PAPSS2: variants seen among roughly 807,000 people sequenced by gnomAD.
PAPSS2 encodes the protein 3'-phosphoadenosine 5'-phosphosulfate synthase 2.
Under a neutral mutation model 66.5 loss-of-function variants are expected in PAPSS2, and 61 were observed. That is an observed-to-expected ratio of 0.92 (90% CI 0.75 to 1.14). The LOEUF (loss-of-function observed/expected upper bound fraction) is 1.14. Ranked by LOEUF, PAPSS2 falls within the 50% of genes most tolerant of loss-of-function variation. The pLI is 0.00. For synonymous variants in PAPSS2, 289 were observed against 287.5 expected (o/e 1.01, Z -0.05); for missense variants, 708 against 789.6 (o/e 0.90, Z 1.24).
chr10:87,660,106 G>C, intron 1 of PAPSS2, 98 bp downstream of exon 1: 2 of 1,271,548 alleles, frequency 1.6e-6, no homozygotes, highest in Non-Finnish European at 1.1e-6. Flanking sequence ...CCCTCCCCGG[G>C]AGGGGGCGTC....
chr10:87,718,882 G>T (rs1853563918), intron 7 of PAPSS2, among the ~76,000 whole-genome samples: 1 of 152,182 alleles, frequency 6.6e-6, no homozygotes, highest in Admixed American at 6.5e-5. Flanking sequence ...GCTCCAGTGT[G>T]GCTCTGTCAG....
rs1853489011 is a variant in PAPSS2, at chr10:87,713,322, A to AAAAAAAAAAG, written c.381+21_381+22insGAAAAAAAAA. On this transcript the variant is annotated intron_variant, in intron 3 of 12. Transcript: ENST00000456849. ...CTCCATTCGCAAAGGTAAAAAAAAA[A>AAAAAAAAAAG]AAAAAAAAAAAAGGCACTACACACG... is the stretch of plus-strand genomic sequence containing the variant. The AAAAAAAAAAG allele has an allele frequency of 6.9e-7, 1 of 1,454,492 alleles. No individual in the cohort carries two copies. The highest frequency in any genetic ancestry group is 1.4e-5 in the African/African-American group (1 of 69,094). The allele number at this position is 1,454,492 out of a possible 1,614,324, so 90.1% of individuals were successfully genotyped here.
intron 8 of PAPSS2, among the ~76,000 whole-genome samples, chr10:87,725,659 C>G (rs1216714305): frequency 6.6e-6 from 1 of 152,090 alleles, no homozygotes; most frequent in Non-Finnish European, 1.5e-5. Flanking sequence ...TGAATAACAT[C>G]AAGAGGACTG....
chr10:87,712,308 C>T (rs529441704), intron 2 of PAPSS2, among the ~76,000 whole-genome samples: 10 of 152,304 alleles, frequency 6.6e-5, no homozygotes, highest in South Asian at 6.2e-4. Flanking sequence ...GTGGCATCCA[C>T]GAGGGAGGTG....
At chr10:87,661,923 C>T (rs1852757741) in intron 1 of PAPSS2, among the ~76,000 whole-genome samples, 1 of 152,160 alleles carries the variant, frequency 6.6e-6, no homozygotes, top group Non-Finnish European at 1.5e-5. Context: ...TAGATAGGTA[C>T]TATCGGTACT....
intron 8 of PAPSS2, 88 bp from the exon 9 acceptor site, chr10:87,727,196 G>A (rs573411323): frequency 9.0e-7 from 1 of 1,113,342 alleles, no homozygotes; most frequent in South Asian, 1.3e-5. Flanking sequence ...GGAAATGTTT[G>A]GAAGGGGCAT....
rs1441982570 is a variant in PAPSS2, at chr10:87,726,859, T to C, written c.881-425T>C. Reference sequence around the variant, plus strand: ...AATGAAATAAGAGACTTGCTTAACGTTCTTACAAGTTTCATTTCCAAGAAA... The same window carrying C: ...AATGAAATAAGAGACTTGCTTAACGCTCTTACAAGTTTCATTTCCAAGAAA... On this transcript the variant is annotated intron_variant, in intron 8 of 12. Coordinates refer to ENST00000456849, the MANE Select transcript of PAPSS2 (RefSeq NM_001015880.2). Among the ~76,000 whole-genome samples, 11 of 152,352 alleles carry C rather than the reference T, an allele frequency of 7.2e-5. 1 individual carries two copies. Among genetic ancestry groups the C allele is most frequent in the African/African-American group, 2.6e-4 (11 of 41,588 alleles).
At chr10:87,743,118 C>A (rs573653386) in intron 10 of PAPSS2, among the ~76,000 whole-genome samples, 2 of 152,004 alleles carry the variant, frequency 1.3e-5, no homozygotes, top group Non-Finnish European at 2.9e-5. Context: ...TGGTGGCACA[C>A]GCCTGTAATC....
chr10:87,680,514 C>A (rs1413039164), intron 1 of PAPSS2, among the ~76,000 whole-genome samples: 1 of 152,140 alleles, frequency 6.6e-6, no homozygotes, highest in East Asian at 1.9e-4. Context: ...AATTAGCATC[C>A]TGTTAGAAAG....
At chr10:87,662,262 G>A (rs756854717) in intron 1 of PAPSS2, among the ~76,000 whole-genome samples, 11 of 151,998 alleles carry the variant, frequency 7.2e-5, no homozygotes, top group East Asian at 1.9e-4. Context: ...TGGGGGAGGC[G>A]GAAAAGGAGA....
chr10:87,727,841 T>C (rs1007190393), intron 9 of PAPSS2, among the ~76,000 whole-genome samples: 7 of 152,172 alleles, frequency 4.6e-5, no homozygotes, highest in Admixed American at 6.5e-5. Context: ...CTTGCAGCCC[T>C]GCCCATCTTG....
chr10:87,686,690 T>C (rs1853093847), intron 1 of PAPSS2, among the ~76,000 whole-genome samples: 1 of 152,170 alleles, frequency 6.6e-6, no homozygotes, highest in Non-Finnish European at 1.5e-5. Flanking sequence ...CGACACTTAC[T>C]GTTGTCCCAT....
chr10:87,696,272 G>C (rs1853233469), intron 1 of PAPSS2, among the ~76,000 whole-genome samples: 1 of 152,166 alleles, frequency 6.6e-6, no homozygotes. Context: ...TAGCTCTTTT[G>C]AGTATTTGCC....
intron 1 of PAPSS2, chr10:87,703,631 A>G: frequency 2.2e-6 from 1 of 458,968 alleles, no homozygotes; most frequent in South Asian, 1.7e-5. Flanking sequence ...GATGTTAATA[A>G]CTTGCTCCAG....
chr10:87,694,408 T>G lies in PAPSS2; in HGVS notation c.28-14788T>G, dbSNP rs191299647. Among the ~76,000 whole-genome samples, 383 of 152,288 alleles carry G rather than the reference T, an allele frequency of 2.5e-3. 2 individuals carry two copies. Among genetic ancestry groups the G allele is most frequent in the Middle Eastern group, 3.4e-3 (1 of 294 alleles). ...CCAGGCAAAGTGCCACAGGATCTCA[T>G]AGCTACAGGAGTTTAGGAAAGAAGC... On this transcript the variant is annotated intron_variant, in intron 1 of 12. Transcript: ENST00000456849.
At chr10:87,712,604 C>T (rs774942141) in intron 2 of PAPSS2, among the ~76,000 whole-genome samples, 23 of 152,096 alleles carry the variant, frequency 1.5e-4, no homozygotes, top group South Asian at 2.1e-4. Context: ...CACAGGAGTG[C>T]ACCACCACAC....
chr10:87,694,118 A>G (rs939859274), intron 1 of PAPSS2, among the ~76,000 whole-genome samples: 2 of 152,236 alleles, frequency 1.3e-5, no homozygotes, highest in African/African-American at 2.4e-5. Flanking sequence ...ATCCTTGCAA[A>G]CATTAGCAGG....
chr10:87,739,163 C>G (rs1317344961), intron 9 of PAPSS2, among the ~76,000 whole-genome samples: 1 of 152,088 alleles, frequency 6.6e-6, no homozygotes, highest in Non-Finnish European at 1.5e-5. Flanking sequence ...GGTGTTTCAT[C>G]CATTTTGAGT....
chr10:87,726,578 A>C (rs893673940), intron 8 of PAPSS2, among the ~76,000 whole-genome samples: 1 of 152,218 alleles, frequency 6.6e-6, no homozygotes, highest in Non-Finnish European at 1.5e-5. Flanking sequence ...CCTGTATCAA[A>C]ATATCTTATG....
Sources: allele counts gnomAD v4.1 joint callset (sites outside exome capture counted in the v4.1 genomes callset), GRCh38; gene constraint gnomAD v4.1.1; transcripts MANE v1.5; gene names NCBI Gene and HGNC (gene_info 2026-07-23, HGNC 2026-07-21).